The following CACNA1C variants were observed in gnomAD, a reference collection of about 807,000 sequenced individuals.
The protein encoded by CACNA1C is calcium voltage-gated channel subunit alpha1 C, also known as voltage-dependent L-type calcium channel subunit alpha-1C.
Under a neutral mutation model 229.0 loss-of-function variants are expected in CACNA1C, and 30 were observed. The ratio of observed to expected loss-of-function variants is 0.13; its 90% confidence interval spans 0.10 to 0.18. CACNA1C has a LOEUF of 0.18. Ranked by LOEUF, CACNA1C falls within the 10% of genes least tolerant of loss-of-function variation. The probability of loss-of-function intolerance (pLI) is 1.00; values close to 1 mark genes in which losing one functional copy is unlikely to be tolerated. For synonymous variants in CACNA1C, 1,114 were observed against 1,132.5 expected (o/e 0.98, Z 0.33); for missense variants, 1,658 against 2,845.0 (o/e 0.58, Z 9.49).
intron 3 of CACNA1C, among the ~76,000 whole-genome samples, chr12:2,402,831 C>T (rs899698810): frequency 2.0e-5 from 3 of 152,180 alleles, no homozygotes; most frequent in Non-Finnish European, 4.4e-5. Flanking sequence ...ACTAGAACAT[C>T]GCTCCCTTCA....
At chr12:2,603,155 C>G (rs144034807) in intron 22 of CACNA1C, among the ~76,000 whole-genome samples, 5 of 152,312 alleles carry the variant, frequency 3.3e-5, no homozygotes, top group African/African-American at 1.2e-4. Context: ...AGATTTGAAT[C>G]CCAGCATGGC....
chr12:2,260,646 C>T (rs1440034354), intron 3 of CACNA1C, among the ~76,000 whole-genome samples: 1 of 152,148 alleles, frequency 6.6e-6, no homozygotes, highest in Non-Finnish European at 1.5e-5. Context: ...TGGTTGAGAT[C>T]ACATGGACTC....
intron 3 of CACNA1C, among the ~76,000 whole-genome samples, chr12:2,242,895 G>A (rs928410058): frequency 1.3e-5 from 2 of 152,212 alleles, no homozygotes; most frequent in African/African-American, 4.8e-5. Flanking sequence ...GGTTAGCAGG[G>A]GCAAGTGTGG....
intron 3 of CACNA1C, among the ~76,000 whole-genome samples, chr12:2,381,021 T>C (rs888199538): frequency 6.6e-6 from 1 of 152,186 alleles, no homozygotes; most frequent in Non-Finnish European, 1.5e-5. Context: ...TTTCCAGGGA[T>C]GTGGCCCTTT....
At chr12:1,998,010 T>G (rs754019929) in intron 1 of CACNA1C, 1 of 1,578,590 alleles carries the variant, frequency 6.3e-7, no homozygotes, top group East Asian at 2.3e-5. Context: ...AAGACATGTA[T>G]GTTCTCTTCA....
At chr12:2,038,778 C>G (rs1159683043) in intron 1 of CACNA1C, among the ~76,000 whole-genome samples, 1 of 152,102 alleles carries the variant, frequency 6.6e-6, no homozygotes, top group Non-Finnish European at 1.5e-5. Context: ...TGGTATTTCT[C>G]CTTTTTATTG....
At position 2,677,067 on chromosome 12, in the gene CACNA1C, C is replaced by G. The variant is rs751175252; in HGVS notation, c.4829-27C>G. 1 of 1,604,204 alleles carries G rather than the reference C, an allele frequency of 6.2e-7. No homozygotes were observed. Among genetic ancestry groups the G allele is most frequent in the South Asian group, 1.1e-5 (1 of 89,710 alleles). Reference sequence around the variant, plus strand: ...CTGAATTCCCCTGCTCCCCTCTTACCCCCTCTCCCCTCTCCATACGTCTCA... The same window carrying G: ...CTGAATTCCCCTGCTCCCCTCTTACGCCCTCTCCCCTCTCCATACGTCTCA... On this transcript the variant is annotated intron_variant, in intron 39 of 46. Transcript: ENST00000399655. The surrounding 1 kb of genome is among the most constrained non-coding windows in gnomAD (Gnocchi z 7.4).
At chr12:2,068,125 A>T (rs1180854961) in intron 1 of CACNA1C, among the ~76,000 whole-genome samples, 1 of 152,198 alleles carries the variant, frequency 6.6e-6, no homozygotes, top group East Asian at 1.9e-4. Flanking sequence ...TTTCCCTGTA[A>T]TCAAGAAAAA....
chr12:2,200,230 G>A (rs1359311203), intron 3 of CACNA1C, among the ~76,000 whole-genome samples: 1 of 152,188 alleles, frequency 6.6e-6, no homozygotes, highest in African/African-American at 2.4e-5. Flanking sequence ...TTAGTAATGT[G>A]TAAAAACTCT....
chr12:2,377,709 C>T (rs942108889), intron 3 of CACNA1C, among the ~76,000 whole-genome samples: 60 of 152,296 alleles, frequency 3.9e-4, no homozygotes, highest in African/African-American at 1.4e-3. Flanking sequence ...ATCCCCGTTT[C>T]ACAGCTGAGT....
intron 9 of CACNA1C, among the ~76,000 whole-genome samples, chr12:2,525,191 G>A (rs1473261444): frequency 1.3e-5 from 2 of 152,108 alleles, no homozygotes; most frequent in African/African-American, 2.4e-5. Flanking sequence ...GGGATGACAA[G>A]GTACCAGTTT....
chr12:2,298,877 C>G (rs1262520737), intron 3 of CACNA1C, among the ~76,000 whole-genome samples: 1 of 152,322 alleles, frequency 6.6e-6, no homozygotes, highest in African/African-American at 2.4e-5. Flanking sequence ...TCCAATCTTG[C>G]AGGACACTGT....
rs1445963085 is a variant in CACNA1C, at chr12:2,505,054, G to A, written c.1217+109G>A. On this transcript the variant is annotated intron_variant, in intron 8 of 46. Coordinates refer to ENST00000399655, the MANE Select transcript of CACNA1C (RefSeq NM_000719.7). ...CTGGCTCTGATGAACCTGGGATAAG[G>A]GGTCACCACAGGAGCCTTGAAGTGG... 1.5e-5 allele frequency: 10 copies of A among 680,270 alleles called. No homozygotes were observed. The South Asian group carries it at 1.5e-4, about 10-fold the overall frequency. The allele number at this position is 680,270 out of a possible 1,614,324, so 42.1% of individuals were successfully genotyped here.
In CACNA1C at chr12:2,067,750, G is replaced by C. The variant is rs532974224; in HGVS notation, c.49+14139G>C. On this transcript the variant is annotated intron_variant, in intron 1 of 46. Coordinates refer to ENST00000399655, the MANE Select transcript of CACNA1C (RefSeq NM_000719.7). The surrounding 1 kb of genome is among the most constrained non-coding windows in gnomAD (Gnocchi z 5.3). ...CTGCACTGTTAACCTCAGTCAGGGCGCAACGGTAGAAAGGAGGAGTGATGG... is the reference window on the plus strand; with the variant it reads ...CTGCACTGTTAACCTCAGTCAGGGCCCAACGGTAGAAAGGAGGAGTGATGG... 1.3e-5 allele frequency among the ~76,000 whole-genome samples: 2 copies of C among 152,052 alleles called. No individual in the cohort carries two copies. The highest frequency in any genetic ancestry group is 6.5e-5 in the Admixed American group (1 of 15,268).
chr12:2,271,865 C>T (rs1049428758), intron 3 of CACNA1C, among the ~76,000 whole-genome samples: 1 of 152,156 alleles, frequency 6.6e-6, no homozygotes, highest in African/African-American at 2.4e-5. Flanking sequence ...CACTGTACTC[C>T]AGCCTGGGTG....
intron 3 of CACNA1C, among the ~76,000 whole-genome samples, chr12:2,281,687 G>C (rs938508959): frequency 5.3e-5 from 8 of 152,086 alleles, no homozygotes; most frequent in African/African-American, 1.9e-4. Flanking sequence ...GTGTCTTTAT[G>C]CCCTGGCTAC....
Position 2,504,812 on chromosome 12 carries a change from G to T in CACNA1C, c.1114-30G>T, listed in dbSNP as rs773399443. Reference sequence around the variant, plus strand: ...CTGGCCGTGCTCGGTTGCTGAGTGTGCCTCACTAACTATCATTCCGTTCTT... The same window carrying T: ...CTGGCCGTGCTCGGTTGCTGAGTGTTCCTCACTAACTATCATTCCGTTCTT... On this transcript the variant is annotated intron_variant, in intron 7 of 46. Coordinates refer to ENST00000399655, the MANE Select transcript of CACNA1C (RefSeq NM_000719.7). This position sits in a 1 kb window ranked among gnomAD's most constrained non-coding sequence, Gnocchi z 6.8. 5.4e-6 allele frequency: 7 copies of T among 1,290,286 alleles called. No individual in the cohort carries two copies. Among genetic ancestry groups the T allele is most frequent in the African/African-American group, 1.5e-5 (1 of 68,620 alleles). 79.9% of individuals were successfully genotyped at this position (1,290,286 alleles called of 1,614,324 possible). A position where few individuals can be genotyped will look rare whatever the true frequency, so the allele number is the denominator to read the frequency against.
intron 3 of CACNA1C, among the ~76,000 whole-genome samples, chr12:2,423,597 G>A (rs2154556726): frequency 6.6e-6 from 1 of 152,270 alleles, no homozygotes; most frequent in Admixed American, 6.5e-5. Context: ...GGTAGAGGTG[G>A]TGGAGGTAGC....
At chr12:2,456,086 A>G (rs1460307697) in intron 4 of CACNA1C, among the ~76,000 whole-genome samples, 2 of 152,226 alleles carry the variant, frequency 1.3e-5, no homozygotes, top group East Asian at 1.9e-4. Flanking sequence ...AACTTCAAGA[A>G]GTTCTCAGCA....
Sources: gnomAD v4.1 joint callset for allele counts (sites outside exome capture counted in the v4.1 genomes callset) on GRCh38, gnomAD v4.1.1 for gene constraint, Gnocchi (gnomAD v3.1) non-coding constraint, MANE v1.5 for transcripts, NCBI Gene and HGNC (gene_info 2026-07-23, HGNC 2026-07-21) for gene names.